Variants in TBL1X observed in about 807,000 individuals in gnomAD.
The protein encoded by TBL1X is F-box-like/WD repeat-containing protein TBL1X.
TBL1X carries 10 observed loss-of-function variants against 50.7 expected under a neutral mutation model. That is an observed-to-expected ratio of 0.20 (90% confidence interval 0.12 to 0.33). The LOEUF is 0.33. Ranked by LOEUF, TBL1X falls within the 10% of genes least tolerant of loss-of-function variation. The pLI is 1.00. For missense variants in TBL1X, 340 were observed against 504.4 expected, an observed-to-expected ratio of 0.67 and a Z score of 3.12; for synonymous variants, 190 against 214.7, an observed-to-expected ratio of 0.88 and a Z score of 1.01.
intron 1 of TBL1X, among the ~76,000 whole-genome samples, chrX:9,481,898 C>T (rs1460518852): frequency 8.9e-6 from 1 of 112,192 alleles, no homozygotes. Context: ...AATAATTGTT[C>T]TAGCTGACCT....
chrX:9,691,644 C>T lies in TBL1X; in HGVS notation c.682C>T (p.Leu228Phe). 8.3e-7 allele frequency: 1 copy of T among 1,211,114 alleles called. No individual in the cohort carries two copies. The highest frequency in any genetic ancestry group is 1.1e-6 in the Non-Finnish European group (1 of 895,304). Residue 228 changes from leucine to phenylalanine, a missense_variant, in exon 8 of 18, where the codon CTT becomes TTT. Physicochemically the swap from Leu to Phe is conservative, Grantham distance 22. Coordinates refer to ENST00000645353, the MANE Select transcript of TBL1X (RefSeq NM_005647.4). Reference protein sequence around the residue: ...VEIPSSKATVLRGHESEVFIC... With the variant: ...VEIPSSKATVFRGHESEVFIC... The stretch of plus-strand genomic sequence containing the variant: ...GATTCCATCCAGCAAAGCCACAGTC[C>T]TTCGGGGCCATGAGTCTGAGGTGTT...
intron 1 of TBL1X, among the ~76,000 whole-genome samples, chrX:9,488,514 T>C (rs946469270): frequency 1.8e-5 from 2 of 111,946 alleles, no homozygotes; most frequent in African/African-American, 6.5e-5. Flanking sequence ...TGTGATTACA[T>C]TGGGCCCATC....
chrX:9,668,077 A>G (rs1030785554), intron 5 of TBL1X, among the ~76,000 whole-genome samples: 1 of 112,194 alleles, frequency 8.9e-6, no homozygotes, highest in Non-Finnish European at 1.9e-5. Flanking sequence ...TCATATAAAT[A>G]TGTTATTAGT....
At chrX:9,637,823 C>T in intron 2 of TBL1X, 1 of 111,271 alleles carries the variant, frequency 9.0e-6, no homozygotes, top group Non-Finnish European at 1.9e-5. Flanking sequence ...TCTCAAGCAA[C>T]CCCCATGACC....
chrX:9,674,256 G>A (rs1320826059), intron 5 of TBL1X, among the ~76,000 whole-genome samples: 2 of 109,393 alleles, frequency 1.8e-5, no homozygotes, highest in Admixed American at 1.9e-4. Flanking sequence ...TCCTCCCCCC[G>A]CCCGATATAT....
intron 2 of TBL1X, among the ~76,000 whole-genome samples, chrX:9,555,974 T>C (rs1243162384): frequency 2.8e-5 from 3 of 108,575 alleles, no homozygotes; most frequent in African/African-American, 1.0e-4. Flanking sequence ...GATCACTTGA[T>C]CCCAGGAGTT....
rs775684657 is a variant in TBL1X, at chrX:9,549,265, G to A, written c.-131+47416G>A. Among the ~76,000 whole-genome samples, 26 of 112,428 alleles carry A rather than the reference G, an allele frequency of 2.3e-4. 1 individual carries two copies. Among genetic ancestry groups the A allele is most frequent in the African/African-American group, 5.8e-4 (18 of 30,972 alleles). On this transcript the variant is annotated intron_variant, in intron 2 of 17. Transcript: ENST00000645353. ...GTCCACGTCCACTGTGCTCCTCAGC[G>A]GCAGGTTCTGCAAACTGCAGCCCGT... is the stretch of plus-strand genomic sequence containing the variant.
intron 2 of TBL1X, chrX:9,531,021 T>C (rs1320910206): frequency 3.6e-5 from 4 of 111,864 alleles, no homozygotes; most frequent in East Asian, 2.8e-4. Context: ...GGATGTGTGC[T>C]TGTGCCGGGT....
chrX:9,529,722 C>T (rs2082150500), intron 2 of TBL1X, among the ~76,000 whole-genome samples: 1 of 106,187 alleles, frequency 9.4e-6, no homozygotes, highest in Non-Finnish European at 1.9e-5. Context: ...GTGGAAGGAT[C>T]GCTTGAGGCC....
intron 5 of TBL1X, among the ~76,000 whole-genome samples, chrX:9,681,614 A>C (rs2083026367): frequency 1.8e-5 from 2 of 112,367 alleles, no homozygotes; most frequent in Non-Finnish European, 3.8e-5. Flanking sequence ...AATGAGTCAG[A>C]GTGGATGAAT....
intron 5 of TBL1X, among the ~76,000 whole-genome samples, chrX:9,657,353 G>A (rs923824259): frequency 5.4e-5 from 6 of 112,071 alleles, no homozygotes; most frequent in African/African-American, 1.9e-4. Flanking sequence ...CTCTGCCCTG[G>A]ACCCAGCAGA....
chrX:9,532,104 T>C (rs1170583440), intron 2 of TBL1X, among the ~76,000 whole-genome samples: 1 of 111,462 alleles, frequency 9.0e-6, no homozygotes, highest in Non-Finnish European at 1.9e-5. Flanking sequence ...GATCTGGCCA[T>C]GCTGAAAGGT....
chrX:9,506,131 C>G (rs371003287), intron 2 of TBL1X, among the ~76,000 whole-genome samples: 325 of 112,385 alleles, frequency 2.9e-3, no homozygotes, highest in African/African-American at 0.01. Flanking sequence ...CACATTAGAA[C>G]TCAGGATTAA....
chrX:9,691,560 T>G lies in TBL1X; in HGVS notation c.617-19T>G, dbSNP rs1238114901. The G allele has an allele frequency of 8.3e-7, 1 of 1,208,904 alleles. No individual in the cohort carries two copies. The highest frequency in any genetic ancestry group is 2.2e-5 in the Admixed American group (1 of 45,844). On this transcript the variant is annotated intron_variant, in intron 7 of 17. Coordinates refer to ENST00000645353, the MANE Select transcript of TBL1X (RefSeq NM_005647.4). ...CTTGTATTGGTAAGCCACTTGTCTC[T>G]TTGTGTTTGCTGTGACAGATAATCA...
chrX:9,665,024 C>T (rs1324809876), intron 5 of TBL1X, among the ~76,000 whole-genome samples: 1 of 110,350 alleles, frequency 9.1e-6, no homozygotes, highest in Non-Finnish European at 1.9e-5. Flanking sequence ...TTTTTTCCTT[C>T]CAACTGGTTT....
At chrX:9,654,365 C>T (rs1243465937) in intron 5 of TBL1X, 43 bp downstream of exon 5, 4 of 1,150,987 alleles carry the variant, frequency 3.5e-6, no homozygotes, top group Non-Finnish European at 4.7e-6. Flanking sequence ...TCATCTACAG[C>T]ATCTTACAAG....
intron 2 of TBL1X, among the ~76,000 whole-genome samples, chrX:9,546,650 T>G (rs113089537): frequency 9.0e-6 from 1 of 111,496 alleles, no homozygotes; most frequent in African/African-American, 3.3e-5. Flanking sequence ...CAAAAATATT[T>G]TCTATTTAGC....
At chrX:9,677,500 A>G (rs983607017) in intron 5 of TBL1X, among the ~76,000 whole-genome samples, 2 of 110,333 alleles carry the variant, frequency 1.8e-5, no homozygotes, top group Admixed American at 9.8e-5. Flanking sequence ...CCAAAATCAT[A>G]TTATGAAACT....
chrX:9,515,110 A>G (rs906161338), intron 2 of TBL1X, among the ~76,000 whole-genome samples: 6 of 111,812 alleles, frequency 5.4e-5, no homozygotes, highest in African/African-American at 1.9e-4. Flanking sequence ...CTCCAGGCAG[A>G]CTGATGGAGG....
Sources: allele counts gnomAD v4.1 joint callset (sites outside exome capture counted in the v4.1 genomes callset), GRCh38; gene constraint gnomAD v4.1.1; transcripts MANE v1.5; gene names NCBI Gene and HGNC (gene_info 2026-07-23, HGNC 2026-07-21).